NPTXR: variants seen among roughly 807,000 people sequenced by gnomAD.
NPTXR encodes the protein neuronal pentraxin receptor.
NPTXR carries 12 observed loss-of-function variants against 32.2 expected under a neutral mutation model. That is an observed-to-expected ratio of 0.37 (90% CI 0.24 to 0.60). The LOEUF (loss-of-function observed/expected upper bound fraction) is 0.60. Ranked by LOEUF, NPTXR falls within the 20% of genes least tolerant of loss-of-function variation. The pLI is 0.66. For synonymous variants in NPTXR, 323 were observed against 315.8 expected, an observed-to-expected ratio of 1.02 and a Z score of -0.24; for missense variants, 612 against 682.9, an observed-to-expected ratio of 0.90 and a Z score of 1.16.
chr22:38,829,023 C>T (rs555930025), intron 1 of NPTXR, among the ~76,000 whole-genome samples: 6 of 152,336 alleles, frequency 3.9e-5, no homozygotes, highest in South Asian at 4.1e-4. Context: ...AGCAGGGCCC[C>T]GGTGGCTTGA....
In NPTXR at chr22:38,834,660, G is replaced by A. The variant is rs946485769; in HGVS notation, c.625-6148C>T. 3.3e-5 allele frequency among the ~76,000 whole-genome samples: 5 copies of A among 151,502 alleles called. No individual in the cohort carries two copies. The highest frequency in any genetic ancestry group is 1.9e-4 in the East Asian group (1 of 5,180). On this transcript the variant is annotated intron_variant, in intron 1 of 4. Transcript: ENST00000333039. This position sits in a 1 kb window ranked among gnomAD's most constrained non-coding sequence, Gnocchi z 4.4. Reference sequence around the variant, plus strand: ...TCCATGTGTGCCGCAGCAACATGGCGTCGTAGTTGCAGACACGAACTGTCA... The same window carrying A: ...TCCATGTGTGCCGCAGCAACATGGCATCGTAGTTGCAGACACGAACTGTCA...
At chr22:38,828,218 A>T (rs1478300088) in intron 2 of NPTXR, 69 bp downstream of exon 2, 1 of 1,283,914 alleles carries the variant, frequency 7.8e-7, no homozygotes. Context: ...GGGAGCATGG[A>T]TATATTTTTT....
Position 38,819,331 on chromosome 22 carries a change from AG to A in NPTXR, c.*3277del, listed in dbSNP as rs2146187604. 1 of 152,414 alleles carries A rather than the reference AG, an allele frequency of 6.6e-6. No individual in the cohort carries two copies. Among genetic ancestry groups the A allele is most frequent in the Admixed American group, 6.5e-5 (1 of 15,306 alleles). 9.4% of individuals were successfully genotyped at this position (152,414 alleles called of 1,614,324 possible). The stretch of plus-strand genomic sequence containing the variant: ...GGCTGAAGCTCTGGCCCATGGTGGG[AG>A]GGACACATTCCCTGAAGCAGCTGAG... On this transcript the variant is annotated 3_prime_UTR_variant, in exon 5 of 5. Coordinates refer to ENST00000333039, the MANE Select transcript of NPTXR (RefSeq NM_014293.4).
At position 38,834,623 on chromosome 22, in the gene NPTXR, T is replaced by TCCAC. The variant is rs2093121338; in HGVS notation, c.625-6112_625-6111insGTGG. ...CATCATCCATCCATCCATCCATCCA[T>TCCAC]CCATCCATCCATCCATGTGTGCCGC... On this transcript the variant is annotated intron_variant, in intron 1 of 4. Coordinates refer to ENST00000333039, the MANE Select transcript of NPTXR (RefSeq NM_014293.4). The surrounding 1 kb of genome is among the most constrained non-coding windows in gnomAD (Gnocchi z 4.4). Among the ~76,000 whole-genome samples the TCCAC allele has an allele frequency of 6.6e-6, 1 of 151,150 alleles. No homozygotes were observed. The highest frequency in any genetic ancestry group is 2.4e-5 in the African/African-American group (1 of 41,032).
Position 38,821,705 on chromosome 22 carries a change from C to T in NPTXR, c.*904G>A, listed in dbSNP as rs2146189134. On this transcript the variant is annotated 3_prime_UTR_variant, in exon 5 of 5. Coordinates refer to ENST00000333039, the MANE Select transcript of NPTXR (RefSeq NM_014293.4). The stretch of plus-strand genomic sequence containing the variant: ...CTTCTCCCCACCCTCTGAGCTTCTT[C>T]CTTGCTGCCCCAGGACCATGCACAG... 1 of 153,302 alleles carries T rather than the reference C, an allele frequency of 6.5e-6. No homozygotes were observed. The highest frequency in any genetic ancestry group is 3.4e-3 in the Middle Eastern group (1 of 298). The allele number at this position is 153,302 out of a possible 1,614,324, so 9.5% of individuals were successfully genotyped here.
At chr22:38,841,117 C>T (rs73159319) in intron 1 of NPTXR, among the ~76,000 whole-genome samples, 5 of 152,332 alleles carry the variant, frequency 3.3e-5, no homozygotes, top group African/African-American at 4.8e-5. Flanking sequence ...CTAACGGGTG[C>T]ATGGGACTCC....
chr22:38,825,491 T>C (rs994011650), intron 3 of NPTXR, among the ~76,000 whole-genome samples: 1 of 152,184 alleles, frequency 6.6e-6, no homozygotes, highest in Non-Finnish European at 1.5e-5. Flanking sequence ...CAGTTATTGA[T>C]GTCTGCTAAA....
rs1319313176 is a variant in NPTXR, at chr22:38,843,468, C to T, written c.391G>A (p.Glu131Lys). The change falls in exon 1 of 5, where the codon GAG becomes AAG. Residue 131 changes from glutamate to lysine, a missense_variant. Transcript: ENST00000333039. The surrounding 1 kb of genome is among the most constrained non-coding windows in gnomAD (Gnocchi z 5.3). ...TGCAGCGCCGTCTGGCGCAGCTGCT[C>T]GGCCGTGCTCTGCAGCAGCAGCAGC... The T allele has an allele frequency of 2.2e-6, 3 of 1,337,508 alleles. No homozygotes were observed. The highest frequency in any genetic ancestry group is 3.8e-5 in the Admixed American group (1 of 26,156). 82.9% of individuals were successfully genotyped at this position (1,337,508 alleles called of 1,614,324 possible). A position where few individuals can be genotyped will look rare whatever the true frequency, so the allele number is the denominator to read the frequency against.
rs761205950 is a variant in NPTXR at position 38,828,288 on chromosome 22, G to A, written c.849C>T (p.His283=). 1.9e-5 allele frequency: 30 copies of A among 1,612,888 alleles called. No individual in the cohort carries two copies. The highest frequency in any genetic ancestry group is 4.5e-5 in the East Asian group (2 of 44,882). ...CCCTCTGCAGGACCCAGGACCCACC[G>A]TGCTCCAGCTCAGCCACACGACCCT... The change falls in exon 2 of 5, where the codon CAC becomes CAT. Residue 283 remains histidine (H), a splice_region_variant and synonymous_variant. Transcript: ENST00000333039.
rs907645001 is a variant in NPTXR, at chr22:38,820,286, G to C, written c.*2323C>G. On this transcript the variant is annotated 3_prime_UTR_variant, in exon 5 of 5. Transcript: ENST00000333039. ...CCAGTGGGATTGTACTGGAGGGGCTGGGCAATCTATTTATGTTCTCGAAAT... is the reference window on the plus strand; with the variant it reads ...CCAGTGGGATTGTACTGGAGGGGCTCGGCAATCTATTTATGTTCTCGAAAT... 1 of 152,632 alleles carries C rather than the reference G, an allele frequency of 6.6e-6. No individual in the cohort carries two copies. The highest frequency in any genetic ancestry group is 2.4e-5 in the African/African-American group (1 of 41,448). The allele number at this position is 152,632 out of a possible 1,614,324, so 9.5% of individuals were successfully genotyped here.
chr22:38,824,768 T>C (rs1032657595), intron 3 of NPTXR, among the ~76,000 whole-genome samples: 1 of 152,024 alleles, frequency 6.6e-6, no homozygotes, highest in African/African-American at 2.4e-5. Flanking sequence ...CAGGGGGTGA[T>C]GAAGGGCACA....
At position 38,819,265 on chromosome 22, in the gene NPTXR, C is replaced by A. The variant is rs1044472869; in HGVS notation, c.*3344G>T. 2.0e-5 allele frequency: 3 copies of A among 152,280 alleles called. No homozygotes were observed. 9.4% of individuals were successfully genotyped at this position (152,280 alleles called of 1,614,324 possible). On this transcript the variant is annotated 3_prime_UTR_variant, in exon 5 of 5. Transcript: ENST00000333039. ...CTCGGGAGATGCTCAGCTTCCTTTT[C>A]TTTTTTGGCTCTCCTGTGAACTCTA...
intron 1 of NPTXR, among the ~76,000 whole-genome samples, chr22:38,836,455 A>G (rs1327451892): frequency 6.6e-6 from 1 of 152,266 alleles, no homozygotes; most frequent in Non-Finnish European, 1.5e-5. Context: ...TACACGCAAT[A>G]AGCCTGGATG....
At chr22:38,825,906 G>A (rs1024070354) in intron 3 of NPTXR, among the ~76,000 whole-genome samples, 1 of 147,230 alleles carries the variant, frequency 6.8e-6, no homozygotes, top group African/African-American at 2.5e-5. Context: ...GCAGTGGTGC[G>A]ATCTTAGCTC....
rs1188787575 is a variant in NPTXR at position 38,834,071 on chromosome 22, A to G, written c.625-5559T>C. 6.8e-6 allele frequency among the ~76,000 whole-genome samples: 1 copy of G among 146,800 alleles called. No homozygotes were observed. ...AGTGGCATCTCTAGTGGTTGAATCT[A>G]ACCCTGCTTCTTACCCAGAGCTTCA... On this transcript the variant is annotated intron_variant, in intron 1 of 4. Coordinates refer to ENST00000333039, the MANE Select transcript of NPTXR (RefSeq NM_014293.4). The surrounding 1 kb of genome is among the most constrained non-coding windows in gnomAD (Gnocchi z 4.4).
intron 1 of NPTXR, among the ~76,000 whole-genome samples, chr22:38,829,978 G>T (rs1048806521): frequency 6.6e-6 from 1 of 152,322 alleles, no homozygotes; most frequent in Non-Finnish European, 1.5e-5. Context: ...AGGGCCGCGT[G>T]TTCCTTCTGA....
chr22:38,822,225 G>T lies in NPTXR; in HGVS notation c.*384C>A, dbSNP rs1020019962. ...GGGCCTGTTGCATGGGGGACAAGGG[G>T]GCGGGCGGCCACCCCCACCACTGAG... On this transcript the variant is annotated 3_prime_UTR_variant, in exon 5 of 5. Coordinates refer to ENST00000333039, the MANE Select transcript of NPTXR (RefSeq NM_014293.4). 1 of 253,552 alleles carries T rather than the reference G, an allele frequency of 3.9e-6. No homozygotes were observed. The highest frequency in any genetic ancestry group is 9.1e-5 in the East Asian group (1 of 10,998). The allele number at this position is 253,552 out of a possible 1,614,324, so 15.7% of individuals were successfully genotyped here.
At chr22:38,826,055 G>A (rs1451587048) in intron 3 of NPTXR, among the ~76,000 whole-genome samples, 3 of 152,100 alleles carry the variant, frequency 2.0e-5, no homozygotes, top group Non-Finnish European at 2.9e-5. Flanking sequence ...ATGTTAGCCA[G>A]GATGGTCTCA....
chr22:38,822,292 G>T lies in NPTXR; in HGVS notation c.*317C>A, dbSNP rs989627165. On this transcript the variant is annotated 3_prime_UTR_variant, in exon 5 of 5. Coordinates refer to ENST00000333039, the MANE Select transcript of NPTXR (RefSeq NM_014293.4). ...CATACACAATCCTACCCTACTGGGG[G>T]TGCTGTCAAAATTAGTGAAATCAGA... 1 of 383,304 alleles carries T rather than the reference G, an allele frequency of 2.6e-6. No individual in the cohort carries two copies. Among genetic ancestry groups the T allele is most frequent in the East Asian group, 5.5e-5 (1 of 18,326 alleles). 23.7% of individuals were successfully genotyped at this position (383,304 alleles called of 1,614,324 possible).
Sources: gnomAD v4.1 joint callset for allele counts (sites outside exome capture counted in the v4.1 genomes callset) on GRCh38, gnomAD v4.1.1 for gene constraint, Gnocchi (gnomAD v3.1) non-coding constraint, MANE v1.5 for transcripts, NCBI Gene and HGNC (gene_info 2026-07-23, HGNC 2026-07-21) for gene names.